Variants in CALD1 observed in about 807,000 individuals in gnomAD.
CALD1 encodes caldesmon 1, also known as caldesmon.
CALD1 carries 33 observed loss-of-function variants against 99.9 expected under a neutral mutation model. The ratio of observed to expected loss-of-function variants is 0.33; its 90% confidence interval spans 0.25 to 0.44. CALD1 has a LOEUF of 0.44. Among genes scored for constraint, CALD1 ranks in the 20% least tolerant of loss-of-function variants. The pLI is 1.00. For synonymous variants in CALD1, 310 were observed against 325.0 expected, an observed-to-expected ratio of 0.95 and a Z score of 0.50; for missense variants, 861 against 962.1, an observed-to-expected ratio of 0.89 and a Z score of 1.39.
rs771636423 is a variant in CALD1, at chr7:134,968,367, A to G, written c.*22A>G. ...TTGAGACAGTTCCAGAAAGAACCCA[A>G]GCTCAAGACGCAGGACGAGCTCAGT... On this transcript the variant is annotated 3_prime_UTR_variant, in exon 15 of 15. Transcript: ENST00000361675. The G allele has an allele frequency of 6.2e-7, 1 of 1,612,428 alleles. No homozygotes were observed. The highest frequency in any genetic ancestry group is 8.5e-7 in the Non-Finnish European group (1 of 1,178,502).
rs1797854823 is a variant in CALD1, at chr7:134,799,149, G to C, written c.-130+19400G>C. ...GAGTTATGATCAAACATGTGCAACT[G>C]AATCAATAAAGTTGAAAATATATCA... is the stretch of plus-strand genomic sequence containing the variant. On this transcript the variant is annotated intron_variant, in intron 1 of 14. Transcript: ENST00000361675. Among the ~76,000 whole-genome samples, 3 of 152,184 alleles carry C rather than the reference G, an allele frequency of 2.0e-5. No individual in the cohort carries two copies. In the South Asian group the frequency reaches 6.2e-4, roughly 31 times the overall value.
chr7:134,766,149 T>C (rs1011418940), intron 1 of CALD1, among the ~76,000 whole-genome samples: 11 of 125,802 alleles, frequency 8.7e-5, no homozygotes, highest in African/African-American at 2.0e-4. Context: ...TTCTTTTTTT[T>C]TTTTTTTTTT....
intron 7 of CALD1, among the ~76,000 whole-genome samples, chr7:134,946,546 A>C (rs1806884066): frequency 6.6e-6 from 1 of 152,160 alleles, no homozygotes; most frequent in Admixed American, 6.5e-5. Flanking sequence ...GAATTTGACT[A>C]CTTTAGATCC....
intron 1 of CALD1, among the ~76,000 whole-genome samples, chr7:134,750,328 T>C (rs1486940114): frequency 6.6e-6 from 1 of 152,052 alleles, no homozygotes; most frequent in African/African-American, 2.4e-5. Flanking sequence ...AAAGGTGCTG[T>C]GCAGAGTCCT....
At chr7:134,888,909 T>G (rs1465139107) in intron 3 of CALD1, among the ~76,000 whole-genome samples, 1 of 152,244 alleles carries the variant, frequency 6.6e-6, no homozygotes, top group Non-Finnish European at 1.5e-5. Context: ...ACATGGATTC[T>G]GCACATGAGT....
chr7:134,850,126 G>A (rs1800015643), intron 2 of CALD1, among the ~76,000 whole-genome samples: 1 of 152,182 alleles, frequency 6.6e-6, no homozygotes. Flanking sequence ...AGGCACAAGT[G>A]AACATAAACA....
At chr7:134,764,107 T>C (rs139820311) in intron 1 of CALD1, among the ~76,000 whole-genome samples, 1 of 152,196 alleles carries the variant, frequency 6.6e-6, no homozygotes, top group Non-Finnish European at 1.5e-5. Context: ...GTGGTATGCC[T>C]GGCATTCCTG....
chr7:134,775,571 C>T (rs1391362935), upstream of CALD1, among the ~76,000 whole-genome samples: 6 of 152,030 alleles, frequency 3.9e-5, no homozygotes, highest in African/African-American at 7.2e-5. Context: ...ATTAGCCGGG[C>T]GTGGTGGCGA....
rs186574462 is a variant in CALD1, at chr7:134,800,346, T to A, written c.-130+20597T>A. 3.4e-3 allele frequency among the ~76,000 whole-genome samples: 524 copies of A among 152,242 alleles called. 3 individuals carry two copies. The highest frequency in any genetic ancestry group is 0.012 in the African/African-American group (489 of 41,590). ...TTCTTACTAATTAAAATTTTTTTCTTAATCAATTCATTTCTCAGACAACTG... is the reference window on the plus strand; with the variant it reads ...TTCTTACTAATTAAAATTTTTTTCTAAATCAATTCATTTCTCAGACAACTG... On this transcript the variant is annotated intron_variant, in intron 1 of 14. Transcript: ENST00000361675.
chr7:134,869,893 G>A (rs1318963516), intron 3 of CALD1, among the ~76,000 whole-genome samples: 4 of 152,136 alleles, frequency 2.6e-5, no homozygotes, highest in African/African-American at 9.7e-5. Context: ...AGAAGACAAC[G>A]TACCAGGGAG....
intron 3 of CALD1, among the ~76,000 whole-genome samples, chr7:134,903,972 T>C (rs908784171): frequency 5.9e-5 from 9 of 151,918 alleles, no homozygotes; most frequent in Non-Finnish European, 1.0e-4. Flanking sequence ...CCTGTAATCC[T>C]AGCACTTTGG....
intron 1 of CALD1, among the ~76,000 whole-genome samples, chr7:134,838,625 C>G (rs1799535240): frequency 6.6e-6 from 1 of 152,236 alleles, no homozygotes; most frequent in South Asian, 2.1e-4. Flanking sequence ...GGAAAGTTCA[C>G]TAAGTCATTG....
intron 2 of CALD1, among the ~76,000 whole-genome samples, chr7:134,846,368 T>C (rs10488464): frequency 0.11 from 17,330 of 152,110 alleles, 1,877 homozygotes; most frequent in African/African-American, 0.28. Flanking sequence ...GGCAGTATTT[T>C]AGGGTTTCCC....
intron 9 of CALD1, among the ~76,000 whole-genome samples, chr7:134,952,301 A>C (rs76739024): frequency 0.046 from 6,925 of 151,610 alleles, 515 homozygotes; most frequent in African/African-American, 0.16. Context: ...ACCCTATCCC[A>C]AAAAAAAGAA....
chr7:134,728,660 T>G, the CALD1 span, among the ~76,000 whole-genome samples: 2 of 152,158 alleles, frequency 1.3e-5, no homozygotes, highest in African/African-American at 4.8e-5. Context: ...AAGGAAGCAT[T>G]AGACCAGAGA....
chr7:134,784,700 G>A (rs1009533702), intron 1 of CALD1, among the ~76,000 whole-genome samples: 10 of 152,098 alleles, frequency 6.6e-5, no homozygotes, highest in Non-Finnish European at 1.3e-4. Flanking sequence ...ATTAACGAAC[G>A]GATGAAATCA....
At chr7:134,834,676 CAT>C (rs1265838303) in intron 1 of CALD1, among the ~76,000 whole-genome samples, 1 of 152,142 alleles carries the variant, frequency 6.6e-6, no homozygotes, top group African/African-American at 2.4e-5. Context: ...GTAAAAGGGC[CAT>C]GTATTTGTAT....
rs185967642 is a variant in CALD1, at chr7:134,915,083, C to T, written c.72-13671C>T. On this transcript the variant is annotated intron_variant, in intron 3 of 14. Transcript: ENST00000361675. ...TATAGCAGCAAGCATTACCTACCAG[C>T]ATCCCACAACCGCAAGTTCAGACTC... 2.0e-4 allele frequency among the ~76,000 whole-genome samples: 30 copies of T among 152,346 alleles called. No individual in the cohort carries two copies. The East Asian group carries it at 5.4e-3, about 27-fold the overall frequency.
At chr7:134,817,226 C>T (rs1215456621) in intron 1 of CALD1, among the ~76,000 whole-genome samples, 6 of 152,134 alleles carry the variant, frequency 3.9e-5, no homozygotes, top group Non-Finnish European at 8.8e-5. Flanking sequence ...AACAGAATCT[C>T]AACATATGGA....
Sources: allele counts gnomAD v4.1 joint callset (sites outside exome capture counted in the v4.1 genomes callset), GRCh38; gene constraint gnomAD v4.1.1; transcripts MANE v1.5; gene names NCBI Gene and HGNC (gene_info 2026-07-23, HGNC 2026-07-21).